The following CFAP54 variants were observed in gnomAD, a reference collection of about 807,000 sequenced individuals.
The protein encoded by CFAP54 is cilia- and flagella-associated protein 54.
Under a neutral mutation model 370.4 loss-of-function variants are expected in CFAP54, and 290 were observed. The observed-to-expected ratio is 0.78, with a 90% CI of 0.71 to 0.86. CFAP54 has a LOEUF of 0.86. Ranked by LOEUF, CFAP54 falls within the 40% of genes least tolerant of loss-of-function variation. CFAP54 has a pLI of 0.00. For synonymous variants in CFAP54, 1,206 were observed against 1,236.5 expected (o/e 0.98, Z 0.52); for missense variants, 3,399 against 3,528.7 (o/e 0.96, Z 0.93).
intron 26 of CFAP54, among the ~76,000 whole-genome samples, chr12:96,602,469 G>A (rs1353032022): frequency 6.6e-6 from 1 of 152,114 alleles, no homozygotes; most frequent in Admixed American, 6.5e-5. Flanking sequence ...ATGTCTATTA[G>A]GTCTCCTTGT....
chr12:96,651,035 C>A (rs1956852171), intron 35 of CFAP54, among the ~76,000 whole-genome samples: 1 of 152,178 alleles, frequency 6.6e-6, no homozygotes, highest in Non-Finnish European at 1.5e-5. Flanking sequence ...ACCCTCACTG[C>A]CACTTTCACA....
chr12:96,632,041 T>C (rs1029941409), intron 32 of CFAP54, among the ~76,000 whole-genome samples: 2 of 151,998 alleles, frequency 1.3e-5, no homozygotes, highest in Non-Finnish European at 2.9e-5. Flanking sequence ...TGGAACTATG[T>C]GGTATGAAAT....
chr12:96,641,039 C>A (rs1163882331), intron 32 of CFAP54, among the ~76,000 whole-genome samples: 1 of 152,028 alleles, frequency 6.6e-6, no homozygotes, highest in East Asian at 1.9e-4. Context: ...GTCTAAAACA[C>A]CAAAAGCAAT....
chr12:96,870,610 A>G (rs979043995), intron 67 of CFAP54, among the ~76,000 whole-genome samples: 10 of 152,220 alleles, frequency 6.6e-5, no homozygotes, highest in African/African-American at 1.7e-4. Flanking sequence ...TTCTTATATT[A>G]TTACATACAT....
chr12:96,651,931 T>A, intron 36 of CFAP54, 116 bp downstream of exon 36: 1 of 669,970 alleles, frequency 1.5e-6, no homozygotes. Flanking sequence ...TGTCTACATT[T>A]CATTTGCTTC....
chr12:96,756,391 T>C (rs1323697398), intron 56 of CFAP54, 67 bp from the exon 57 acceptor site: 5 of 835,830 alleles, frequency 6.0e-6, no homozygotes, highest in Non-Finnish European at 7.6e-6. Context: ...CAGCATGAAA[T>C]ATTTGTTCTT....
intron 32 of CFAP54, among the ~76,000 whole-genome samples, chr12:96,633,173 C>T (rs1036138635): frequency 6.6e-6 from 1 of 152,122 alleles, no homozygotes. Flanking sequence ...TTCTAATGCT[C>T]CAGCCTCTTC....
intron 22 of CFAP54, among the ~76,000 whole-genome samples, chr12:96,587,152 G>A (rs1488724790): frequency 6.6e-6 from 1 of 152,124 alleles, no homozygotes; most frequent in Admixed American, 6.5e-5. Flanking sequence ...GTTGAGGTAA[G>A]GTGTTTAGTA....
chr12:96,667,814 C>T lies in CFAP54; in HGVS notation c.5563+3882C>T, dbSNP rs117747081. Among the ~76,000 whole-genome samples the T allele has an allele frequency of 9.6e-3, 1,462 of 152,244 alleles. 56 individuals carry two copies. The East Asian group carries it at 0.1, about 10-fold the overall frequency. ...ATTTCTCCTCAGAAAATGGGTTTTT[C>T]TTTTGTACTGCATTGTCAGGCTGTA... On this transcript the variant is annotated intron_variant, in intron 39 of 67. Coordinates refer to ENST00000524981, the MANE Select transcript of CFAP54 (RefSeq NM_001306084.2).
chr12:96,674,025 A>G (rs1565937958), intron 39 of CFAP54, among the ~76,000 whole-genome samples: 2 of 152,236 alleles, frequency 1.3e-5, no homozygotes, highest in Non-Finnish European at 2.9e-5. Flanking sequence ...AGATAACTCC[A>G]TGGATATGCC....
At chr12:96,850,960 A>G (rs1959525941) in intron 66 of CFAP54, among the ~76,000 whole-genome samples, 1 of 152,218 alleles carries the variant, frequency 6.6e-6, no homozygotes, top group Non-Finnish European at 1.5e-5. Context: ...ATTTGAGATG[A>G]GATTTGGGTG....
intron 14 of CFAP54, among the ~76,000 whole-genome samples, chr12:96,543,058 A>C (rs1464727361): frequency 1.3e-5 from 2 of 152,218 alleles, no homozygotes; most frequent in Non-Finnish European, 2.9e-5. Context: ...TACTTTGTTA[A>C]GAAGAATTCT....
intron 66 of CFAP54, among the ~76,000 whole-genome samples, chr12:96,853,922 C>G (rs964371792): frequency 6.6e-6 from 1 of 151,480 alleles, no homozygotes; most frequent in Non-Finnish European, 1.5e-5. Flanking sequence ...GGTCAGAGAC[C>G]AAAATGCTCT....
chr12:96,685,000 T>C, intron 41 of CFAP54, 29 bp from the exon 42 acceptor site: 13 of 1,606,290 alleles, frequency 8.1e-6, no homozygotes, highest in Non-Finnish European at 1.1e-5. Flanking sequence ...TCAGAAAACT[T>C]ACTGCTTGAT....
intron 3 of CFAP54, among the ~76,000 whole-genome samples, chr12:96,505,014 CTT>C (rs1955080404): frequency 9.0e-6 from 1 of 111,520 alleles, no homozygotes; most frequent in African/African-American, 3.3e-5. Context: ...TTCTTTCTTT[CTT>C]TTTCTTTTCT....
chr12:96,780,346 T>C (rs1958569137), intron 60 of CFAP54, among the ~76,000 whole-genome samples: 1 of 152,178 alleles, frequency 6.6e-6, no homozygotes, highest in Non-Finnish European at 1.5e-5. Context: ...TCTATTTTTG[T>C]GTATAGTGTG....
intron 9 of CFAP54, among the ~76,000 whole-genome samples, chr12:96,532,002 A>G (rs1955444923): frequency 6.6e-6 from 1 of 152,252 alleles, no homozygotes; most frequent in Non-Finnish European, 1.5e-5. Context: ...CTGGGATTAC[A>G]GGCATAAGCC....
At chr12:96,750,544 T>A (rs1236726102) in intron 55 of CFAP54, among the ~76,000 whole-genome samples, 1 of 152,256 alleles carries the variant, frequency 6.6e-6, no homozygotes, top group African/African-American at 2.4e-5. Context: ...CTGACTTAAT[T>A]GGCCTCTTGA....
rs573596308 is a variant in CFAP54, at chr12:96,869,918, A to G, written c.*15-5200A>G. Among the ~76,000 whole-genome samples, 10 of 148,794 alleles carry G rather than the reference A, an allele frequency of 6.7e-5. No individual in the cohort carries two copies. In the South Asian group the frequency reaches 2.2e-3, roughly 32 times the overall value. On this transcript the variant is annotated intron_variant, in intron 67 of 67. Transcript: ENST00000524981. ...CCATTGTACTCCAGCCTGGGCAACA[A>G]GAGCAAAACTCCGTCAAAAAAAAAA... is the stretch of plus-strand genomic sequence containing the variant.
Sources: allele counts gnomAD v4.1 joint callset (sites outside exome capture counted in the v4.1 genomes callset), GRCh38; gene constraint gnomAD v4.1.1; transcripts MANE v1.5; gene names NCBI Gene and HGNC (gene_info 2026-07-23, HGNC 2026-07-21).